Variants in ARHGEF10L observed in about 807,000 individuals in gnomAD.
The protein encoded by ARHGEF10L is Rho guanine nucleotide exchange factor 10 like.
A neutral mutation model predicts 141.2 loss-of-function variants in ARHGEF10L; 69 were observed. The ratio of observed to expected loss-of-function variants is 0.49; its 90% CI spans 0.40 to 0.60. The LOEUF (loss-of-function observed/expected upper bound fraction) is 0.60. ARHGEF10L is among the 20% of genes least tolerant of loss of function. The probability of loss-of-function intolerance (pLI) is 0.00; values close to 1 mark genes in which losing one functional copy is unlikely to be tolerated. For synonymous variants in ARHGEF10L, 711 were observed against 718.5 expected (o/e 0.99, Z 0.17); for missense variants, 1,482 against 1,734.3 (o/e 0.85, Z 2.58).
intron 2 of ARHGEF10L, among the ~76,000 whole-genome samples, chr1:17,580,925 G>T (rs1313954943): frequency 6.6e-6 from 1 of 152,158 alleles, no homozygotes; most frequent in African/African-American, 2.4e-5. Context: ...ATAAATCAGG[G>T]GTGAGGAACT....
At position 17,551,592 on chromosome 1, in the gene ARHGEF10L, A is replaced by C. The variant is rs530998170; in HGVS notation, c.-44+11642A>C. Among the ~76,000 whole-genome samples the C allele has an allele frequency of 2.0e-5, 3 of 152,134 alleles. No individual in the cohort carries two copies. The East Asian group carries it at 5.8e-4, about 29-fold the overall frequency. ...TCAAGCTAGGGGATGACGGGATTAG[A>C]ACTTTTTGTTTGGGGTAGAGATTGG... On this transcript the variant is annotated intron_variant, in intron 1 of 28. Transcript: ENST00000361221.
At chr1:17,538,759 T>G (rs145783055), upstream of ARHGEF10L, among the ~76,000 whole-genome samples, 171 of 152,164 alleles carry the variant, frequency 1.1e-3, no homozygotes, top group East Asian at 0.029. Context: ...TGAAAATGAT[T>G]TCAACCTACG....
At chr1:17,555,087 G>A (rs1381065579) in intron 1 of ARHGEF10L, among the ~76,000 whole-genome samples, 1 of 152,188 alleles carries the variant, frequency 6.6e-6, no homozygotes, top group Admixed American at 6.5e-5. Flanking sequence ...ATGACTCTGG[G>A]CAAGGCACGT....
chr1:17,689,107 C>T lies in ARHGEF10L; in HGVS notation c.3184+1360C>T, dbSNP rs74343756. Among the ~76,000 whole-genome samples, 529 of 152,222 alleles carry T rather than the reference C, an allele frequency of 3.5e-3. 6 individuals carry two copies. Among genetic ancestry groups the T allele is most frequent in the African/African-American group, 0.012 (513 of 41,516 alleles). The stretch of plus-strand genomic sequence containing the variant: ...GGTTCAGCAGGCCGGGCGTCTTGCT[C>T]GTGGTCATGCAGTAGACCAGAGGCA... On this transcript the variant is annotated intron_variant, in intron 27 of 28. Coordinates refer to ENST00000361221, the MANE Select transcript of ARHGEF10L (RefSeq NM_018125.4).
chr1:17,680,383 G>A (rs865954005), intron 26 of ARHGEF10L, among the ~76,000 whole-genome samples: 21 of 152,354 alleles, frequency 1.4e-4, no homozygotes, highest in African/African-American at 5.1e-4. Context: ...TGGAAACCAT[G>A]CACAGAAGCG....
intron 1 of ARHGEF10L, among the ~76,000 whole-genome samples, chr1:17,574,572 C>G (rs1229886904): frequency 6.6e-6 from 1 of 152,206 alleles, no homozygotes. Flanking sequence ...CTGCCTGCTT[C>G]GGAGTGGGGC....
At chr1:17,519,779 G>A in the ARHGEF10L span, among the ~76,000 whole-genome samples, 2 of 151,738 alleles carry the variant, frequency 1.3e-5, no homozygotes, top group Non-Finnish European at 2.9e-5. Flanking sequence ...AGGTTGCAGC[G>A]ATGCAGTGAG....
intron 8 of ARHGEF10L, 90 bp downstream of exon 8, chr1:17,613,264 G>A (rs569857351): frequency 9.9e-6 from 11 of 1,114,396 alleles, no homozygotes; most frequent in Middle Eastern, 2.1e-4. Context: ...CTGGTACCAC[G>A]AAGCCTACCA....
intron 3 of ARHGEF10L, 88 bp from the exon 4 acceptor site, chr1:17,588,358 G>C: frequency 6.7e-7 from 1 of 1,484,812 alleles, no homozygotes. Context: ...CGGCGCCCCT[G>C]GGGAGGCTGG....
At chr1:17,670,158 G>C (rs2063231242) in intron 26 of ARHGEF10L, among the ~76,000 whole-genome samples, 1 of 152,278 alleles carries the variant, frequency 6.6e-6, no homozygotes, top group African/African-American at 2.4e-5. Flanking sequence ...TGGGGCGCCT[G>C]AGCTGAAGAC....
chr1:17,594,071 G>A (rs1338053045), intron 4 of ARHGEF10L, among the ~76,000 whole-genome samples: 2 of 151,554 alleles, frequency 1.3e-5, no homozygotes, highest in Non-Finnish European at 2.9e-5. Flanking sequence ...TGCGATGGGG[G>A]CTGACATGCT....
At chr1:17,583,199 AT>A (rs1169628203) in intron 2 of ARHGEF10L, among the ~76,000 whole-genome samples, 2 of 72,466 alleles carry the variant, frequency 2.8e-5, no homozygotes, top group East Asian at 4.2e-4. Flanking sequence ...AGTGAGCTTC[AT>A]TTAAAAAAAA....
intron 1 of ARHGEF10L, among the ~76,000 whole-genome samples, chr1:17,543,136 G>A (rs559256946): frequency 6.6e-6 from 1 of 152,246 alleles, no homozygotes; most frequent in East Asian, 1.9e-4. Flanking sequence ...TCAGGACCCT[G>A]GTCTGATGAC....
rs2078502742 is a variant in ARHGEF10L, at chr1:17,581,064, C to T, written c.37+432C>T. Among the ~76,000 whole-genome samples, 3 of 151,966 alleles carry T rather than the reference C, an allele frequency of 2.0e-5. No homozygotes were observed. In the East Asian group the frequency reaches 5.8e-4, roughly 29 times the overall value. Reference sequence around the variant, plus strand: ...GCATGGTGTCTCATGCCTGTAATCCCAGCACTTTGGGAGGCCGAGGCGGGC... The same window carrying T: ...GCATGGTGTCTCATGCCTGTAATCCTAGCACTTTGGGAGGCCGAGGCGGGC... On this transcript the variant is annotated intron_variant, in intron 2 of 28. Coordinates refer to ENST00000361221, the MANE Select transcript of ARHGEF10L (RefSeq NM_018125.4).
intron 27 of ARHGEF10L, among the ~76,000 whole-genome samples, chr1:17,690,234 C>T (rs1274711056): frequency 6.6e-6 from 1 of 152,202 alleles, no homozygotes; most frequent in Non-Finnish European, 1.5e-5. Flanking sequence ...TCAGCTTGGC[C>T]ATGCTGGGTG....
In ARHGEF10L at chr1:17,681,196, C is replaced by T. The variant is rs2064103670; in HGVS notation, c.3010-6377C>T. Among the ~76,000 whole-genome samples the T allele has an allele frequency of 2.0e-5, 3 of 152,226 alleles. No homozygotes were observed. In the South Asian group the frequency reaches 6.2e-4, roughly 31 times the overall value. ...TGCTACAATCTTCCCCCATATTATACATGCACAGAGACATACACCCACTTT... is the reference window on the plus strand; with the variant it reads ...TGCTACAATCTTCCCCCATATTATATATGCACAGAGACATACACCCACTTT... On this transcript the variant is annotated intron_variant, in intron 26 of 28. Transcript: ENST00000361221.
chr1:17,685,657 C>T (rs1434986564), intron 26 of ARHGEF10L, among the ~76,000 whole-genome samples: 3 of 152,226 alleles, frequency 2.0e-5, no homozygotes, highest in African/African-American at 4.8e-5. Context: ...GCAGTCATCA[C>T]GACATTTCCA....
chr1:17,555,647 G>A (rs1036270350), intron 1 of ARHGEF10L, among the ~76,000 whole-genome samples: 4 of 152,246 alleles, frequency 2.6e-5, no homozygotes, highest in East Asian at 3.9e-4. Flanking sequence ...GAACCACCAC[G>A]CCTGGCCTGT....
At chr1:17,590,851 G>T (rs997828217) in intron 4 of ARHGEF10L, among the ~76,000 whole-genome samples, 1 of 152,198 alleles carries the variant, frequency 6.6e-6, no homozygotes, top group African/African-American at 2.4e-5. Context: ...GCCGGTCCTG[G>T]TGAACGGTGC....
Sources: allele counts gnomAD v4.1 joint callset (sites outside exome capture counted in the v4.1 genomes callset), GRCh38; gene constraint gnomAD v4.1.1; transcripts MANE v1.5; gene names NCBI Gene and HGNC (gene_info 2026-07-23, HGNC 2026-07-21).